GSE1: variants seen among roughly 807,000 people sequenced by gnomAD.
The protein encoded by GSE1 is Gse1 coiled-coil protein, also known as genetic suppressor element 1.
A neutral mutation model predicts 112.6 loss-of-function variants in GSE1; 32 were observed. The ratio of observed to expected loss-of-function variants is 0.28; its 90% CI spans 0.21 to 0.38. GSE1 has a LOEUF of 0.38. GSE1 is among the 10% of genes least tolerant of loss of function. The probability of loss-of-function intolerance (pLI) is 1.00; values close to 1 mark genes in which losing one functional copy is unlikely to be tolerated. For missense variants in GSE1, 2,348 were observed against 1,699.2 expected (o/e 1.38, Z -6.71); for synonymous variants, 1,115 against 735.6 (o/e 1.52, Z -8.35).
chr16:85,646,208 T>TGCATTCTACCTGCTTCTACCAC (rs558037544), intron 2 of GSE1, among the ~76,000 whole-genome samples: 6 of 148,498 alleles, frequency 4.0e-5, no homozygotes, highest in Non-Finnish European at 6.0e-5. Flanking sequence ...TTCCTATGCA[T>TGCATTCTACCTGCTTCTACCAC]GCATTCTACC....
chr16:85,174,710 C>T (rs931750651), intron 1 of GSE1, among the ~76,000 whole-genome samples: 1 of 152,084 alleles, frequency 6.6e-6, no homozygotes, highest in African/African-American at 2.4e-5. Flanking sequence ...GAGAAGTAGC[C>T]GAGCAGATTA....
intron 2 of GSE1, among the ~76,000 whole-genome samples, chr16:85,498,339 G>A (rs550666835): frequency 6.6e-6 from 1 of 151,828 alleles, no homozygotes; most frequent in Non-Finnish European, 1.5e-5. Context: ...AGACACACAC[G>A]GACACACAGA....
chr16:85,545,045 C>T (rs985529972), intron 2 of GSE1, among the ~76,000 whole-genome samples: 1 of 152,260 alleles, frequency 6.6e-6, no homozygotes, highest in Non-Finnish European at 1.5e-5. Flanking sequence ...TTGCCAGGCC[C>T]CCATTGGCTC....
intron 2 of GSE1, among the ~76,000 whole-genome samples, chr16:85,496,363 C>T (rs575813465): frequency 4.6e-5 from 7 of 152,254 alleles, no homozygotes; most frequent in African/African-American, 1.2e-4. Flanking sequence ...CGCCGAGCAC[C>T]GCTGGGACCC....
At chr16:85,170,682 G>A (rs2074345486) in exon 1 of GSE1, 2 of 985,584 alleles carry the variant, frequency 2.0e-6, no homozygotes, top group South Asian at 4.7e-5. Flanking sequence ...AGGTCCACGT[G>A]CAGAAGCAGG....
chr16:85,515,092 A>G (rs1238888693), intron 2 of GSE1, among the ~76,000 whole-genome samples: 1 of 152,194 alleles, frequency 6.6e-6, no homozygotes, highest in Non-Finnish European at 1.5e-5. Flanking sequence ...CACACGTGTC[A>G]GGGGTGCTCC....
At chr16:85,340,889 C>G (rs2046611457) in intron 1 of GSE1, among the ~76,000 whole-genome samples, 1 of 152,140 alleles carries the variant, frequency 6.6e-6, no homozygotes, top group South Asian at 2.1e-4. Flanking sequence ...GGCCCCCAGT[C>G]TAGGAGGTTT....
At chr16:85,627,945 C>T (rs1477482384) in intron 1 of GSE1, among the ~76,000 whole-genome samples, 2 of 152,230 alleles carry the variant, frequency 1.3e-5, no homozygotes, top group African/African-American at 4.8e-5. Flanking sequence ...GGGAGGAGGC[C>T]CGCATCGGTC....
At chr16:85,292,082 C>G (rs1374767153) in intron 1 of GSE1, among the ~76,000 whole-genome samples, 1 of 152,122 alleles carries the variant, frequency 6.6e-6, no homozygotes, top group Non-Finnish European at 1.5e-5. Flanking sequence ...ATTGCTTAAC[C>G]TCTCTGGGCT....
intron 1 of GSE1, among the ~76,000 whole-genome samples, chr16:85,304,460 C>T (rs539041567): frequency 2.4e-4 from 37 of 152,318 alleles, no homozygotes; most frequent in South Asian, 2.1e-3. Flanking sequence ...GTAGCCCGCC[C>T]GCCAGGGGCA....
At position 85,515,290 on chromosome 16, in the gene GSE1, G is replaced by A. The variant is rs553010345; in HGVS notation, c.2465-118624G>A. ...GCACTCCAGCCCGGAGGCAGTGCCC[G>A]GGGAGCCAGGAGGGGCCTGGTCTCA... On this transcript the variant is annotated intron_variant, in intron 2 of 2. Coordinates refer to the GSE1 transcript ENST00000637419. 3.4e-4 allele frequency among the ~76,000 whole-genome samples: 52 copies of A among 152,356 alleles called. 1 individual carries two copies. Among genetic ancestry groups the A allele is most frequent in the East Asian group, 5.8e-4 (3 of 5,180 alleles).
At chr16:85,474,462 A>G (rs1038517196) in intron 2 of GSE1, among the ~76,000 whole-genome samples, 10 of 152,110 alleles carry the variant, frequency 6.6e-5, no homozygotes, top group African/African-American at 2.4e-4. Context: ...CAGAGGGGCC[A>G]TGCCAGCCCC....
At chr16:85,467,195 G>A (rs1017915449) in intron 2 of GSE1, among the ~76,000 whole-genome samples, 7 of 152,204 alleles carry the variant, frequency 4.6e-5, no homozygotes, top group Non-Finnish European at 1.0e-4. Context: ...TTGCCTGACT[G>A]AACCATAAGG....
In GSE1 at chr16:85,230,741, A is replaced by G. The variant is rs527604386; in HGVS notation, c.2283+58934A>G. Among the ~76,000 whole-genome samples the G allele has an allele frequency of 5.3e-5, 8 of 152,352 alleles. 1 individual carries two copies. In the South Asian group the frequency reaches 1.4e-3, roughly 28 times the overall value. On this transcript the variant is annotated intron_variant, in intron 1 of 2. Coordinates refer to the GSE1 transcript ENST00000637419. ...TGTGTATAAAGGGGGAAAGGGGTGTATTAACTCACAGTCCTCCTGGGTTGG... is the reference window on the plus strand; with the variant it reads ...TGTGTATAAAGGGGGAAAGGGGTGTGTTAACTCACAGTCCTCCTGGGTTGG...
intron 2 of GSE1, among the ~76,000 whole-genome samples, chr16:85,367,258 A>G (rs906885349): frequency 6.6e-6 from 1 of 152,168 alleles, no homozygotes; most frequent in African/African-American, 2.4e-5. Flanking sequence ...CTGGCTGGCA[A>G]CTTCACCACG....
intron 1 of GSE1, among the ~76,000 whole-genome samples, chr16:85,261,744 C>T (rs562345205): frequency 6.6e-5 from 10 of 152,260 alleles, no homozygotes; most frequent in Admixed American, 3.9e-4. Flanking sequence ...TTCAGGTGCA[C>T]GCTAAGCACT....
chr16:85,607,810 C>T (rs1197046349), upstream of GSE1, among the ~76,000 whole-genome samples: 1 of 152,250 alleles, frequency 6.6e-6, no homozygotes, highest in African/African-American at 2.4e-5. Flanking sequence ...GGGACTGTGT[C>T]CCTGCTAGGA....
intron 1 of GSE1, among the ~76,000 whole-genome samples, chr16:85,331,451 G>GTA (rs557560720): frequency 0.011 from 1,533 of 140,336 alleles, 29 homozygotes; most frequent in Middle Eastern, 0.022. Flanking sequence ...GCGTATATAT[G>GTA]TATATATATG....
At chr16:85,263,686 C>T (rs1327734324) in intron 1 of GSE1, among the ~76,000 whole-genome samples, 1 of 152,024 alleles carries the variant, frequency 6.6e-6, no homozygotes, top group African/African-American at 2.4e-5. Context: ...GATTCTCCCG[C>T]CTCAGCCTCC....
Sources: allele counts gnomAD v4.1 joint callset (sites outside exome capture counted in the v4.1 genomes callset), GRCh38; gene constraint gnomAD v4.1.1; transcripts MANE v1.5; gene names NCBI Gene and HGNC (gene_info 2026-07-23, HGNC 2026-07-21).